The following KBTBD11 variants were observed in gnomAD, a reference collection of about 807,000 sequenced individuals.
KBTBD11 encodes the protein kelch repeat and BTB domain-containing protein 11.
For synonymous variants in KBTBD11, 747 were observed against 499.0 expected, an observed-to-expected ratio of 1.50 and a Z score of -6.63; for missense variants, 1,390 against 1,001.8, an observed-to-expected ratio of 1.39 and a Z score of -5.23.
chr8:2,002,794 G>T lies in KBTBD11; in HGVS notation c.1602G>T (p.Trp534Cys). The T allele has an allele frequency of 1.4e-6, 2 of 1,455,668 alleles. No homozygotes were observed. The highest frequency in any genetic ancestry group is 2.6e-5 in the Admixed American group (1 of 38,488). 90.2% of individuals were successfully genotyped at this position (1,455,668 alleles called of 1,614,324 possible). Residue 534 changes from tryptophan to cysteine, a missense_variant, in exon 2 of 2, where the codon TGG becomes TGT. Physicochemically the swap from Trp to Cys is radical, Grantham distance 215. Coordinates refer to ENST00000320248, the MANE Select transcript of KBTBD11 (RefSeq NM_014867.3). This position sits in a 1 kb window ranked among gnomAD's most constrained non-coding sequence, Gnocchi z 4.1. ...GATACCACTGCCTGGCCAAGCAGTGGAGCCCGTGCGTCGCGCCCCTGCGCC... is the reference window on the plus strand; with the variant it reads ...GATACCACTGCCTGGCCAAGCAGTGTAGCCCGTGCGTCGCGCCCCTGCGCC... ...VSRYHCLAKQWSPCVAPLRLP... is the reference protein window; with the variant it reads ...VSRYHCLAKQCSPCVAPLRLP...
At chr8:1,996,189 C>T (rs1022673077) in intron 1 of KBTBD11, among the ~76,000 whole-genome samples, 2 of 152,200 alleles carry the variant, frequency 1.3e-5, no homozygotes, top group African/African-American at 4.8e-5. Context: ...GTGGGCACGG[C>T]CCACCCAGGC....
Position 2,003,280 on chromosome 8 carries a change from G to A in KBTBD11, c.*216G>A, listed in dbSNP as rs927761572. 3.1e-6 allele frequency: 2 copies of A among 641,956 alleles called. No individual in the cohort carries two copies. Among genetic ancestry groups the A allele is most frequent in the Non-Finnish European group, 4.5e-6 (2 of 441,762 alleles). 39.8% of individuals were successfully genotyped at this position (641,956 alleles called of 1,614,324 possible). On this transcript the variant is annotated 3_prime_UTR_variant, in exon 2 of 2. Transcript: ENST00000320248. Reference sequence around the variant, plus strand: ...TGGGGGTGGATGCCTTGAGACCCAGGAGGTGTGCGGATGGGTCCCTTGACA... The same window carrying A: ...TGGGGGTGGATGCCTTGAGACCCAGAAGGTGTGCGGATGGGTCCCTTGACA...
At chr8:1,993,065 G>T (rs760666021) in intron 1 of KBTBD11, among the ~76,000 whole-genome samples, 2 of 151,914 alleles carry the variant, frequency 1.3e-5, no homozygotes, top group African/African-American at 4.8e-5. Flanking sequence ...CCAGCTTCCC[G>T]CGTAGCTAGG....
In KBTBD11 at chr8:1,995,333, T is replaced by C. The variant is rs182138723; in HGVS notation, c.-908-4952T>C. On this transcript the variant is annotated intron_variant, in intron 1 of 1. Coordinates refer to ENST00000320248, the MANE Select transcript of KBTBD11 (RefSeq NM_014867.3). The stretch of plus-strand genomic sequence containing the variant: ...CAGACACTAAGAGCAGAAGCCACTT[T>C]TCTCATTCCCCAGGACAGCACAGAA... Among the ~76,000 whole-genome samples, 261 of 152,280 alleles carry C rather than the reference T, an allele frequency of 1.7e-3. 1 individual carries two copies. Among genetic ancestry groups the C allele is most frequent in the African/African-American group, 5.9e-3 (245 of 41,552 alleles).
chr8:1,975,061 G>A (rs1283674146), intron 1 of KBTBD11: 3 of 152,256 alleles, frequency 2.0e-5, no homozygotes, highest in Non-Finnish European at 2.9e-5. Context: ...TTTATCCTGA[G>A]CTAATAGTGT....
intron 1 of KBTBD11, among the ~76,000 whole-genome samples, chr8:1,988,597 G>A (rs1201315104): frequency 6.6e-6 from 1 of 152,098 alleles, no homozygotes; most frequent in Non-Finnish European, 1.5e-5. Flanking sequence ...AAATTTGTTT[G>A]AGTTGTTTGT....
At chr8:1,985,851 A>C (rs971390501) in intron 1 of KBTBD11, among the ~76,000 whole-genome samples, 10 of 152,250 alleles carry the variant, frequency 6.6e-5, no homozygotes, top group African/African-American at 2.4e-4. Context: ...AATCATATTT[A>C]GTGAGACGTT....
At position 1,983,725 on chromosome 8, in the gene KBTBD11, G is replaced by A. The variant is rs1816616615; in HGVS notation, c.-909+9790G>A. Among the ~76,000 whole-genome samples the A allele has an allele frequency of 2.0e-5, 3 of 152,270 alleles. 1 individual carries two copies. The South Asian group carries it at 6.2e-4, about 31-fold the overall frequency. On this transcript the variant is annotated intron_variant, in intron 1 of 1. Coordinates refer to ENST00000320248, the MANE Select transcript of KBTBD11 (RefSeq NM_014867.3). Reference sequence around the variant, plus strand: ...CAAATAAGACCATGAATGTTGAAATGTATTTCACATGTGTTCAGCTTATCT... The same window carrying A: ...CAAATAAGACCATGAATGTTGAAATATATTTCACATGTGTTCAGCTTATCT...
intron 1 of KBTBD11, among the ~76,000 whole-genome samples, chr8:1,987,980 G>A (rs1413977380): frequency 6.6e-6 from 1 of 152,098 alleles, no homozygotes; most frequent in Non-Finnish European, 1.5e-5. Context: ...AGAACATGTG[G>A]TGTTTGGTTT....
rs1816198236 is a variant in KBTBD11 at position 1,973,690 on chromosome 8, GC to G, written c.-1150del. ...GCCCCCCTCCCCGCGCCCCGCGCGC[GC>G]CCCTCGCAGCCTGGAGCCGGAGCGC... is the stretch of plus-strand genomic sequence containing the variant. On this transcript the variant is annotated 5_prime_UTR_variant, in exon 1 of 2. Coordinates refer to ENST00000320248, the MANE Select transcript of KBTBD11 (RefSeq NM_014867.3). 1.0e-6 allele frequency: 1 copy of G among 983,380 alleles called. No individual in the cohort carries two copies. Among genetic ancestry groups the G allele is most frequent in the Non-Finnish European group, 1.2e-6 (1 of 829,078 alleles). 60.9% of individuals were successfully genotyped at this position (983,380 alleles called of 1,614,324 possible).
rs963430189 is a variant in KBTBD11, at chr8:2,004,030, A to G, written c.*966A>G. 1.2e-5 allele frequency: 2 copies of G among 166,856 alleles called. No homozygotes were observed. The highest frequency in any genetic ancestry group is 6.5e-5 in the Admixed American group (1 of 15,290). The allele number at this position is 166,856 out of a possible 1,614,324, so 10.3% of individuals were successfully genotyped here. On this transcript the variant is annotated 3_prime_UTR_variant, in exon 2 of 2. Coordinates refer to ENST00000320248, the MANE Select transcript of KBTBD11 (RefSeq NM_014867.3). ...AAAAAAAAGTGTAGGCACATTTTAA[A>G]CCCACTGTATATGATGTTTTCAATG...
In KBTBD11 at chr8:2,002,939, G is replaced by A; in HGVS notation, c.1747G>A (p.Gly583Ser). 1.7e-5 allele frequency: 23 copies of A among 1,322,074 alleles called. No homozygotes were observed. Among genetic ancestry groups the A allele is most frequent in the Non-Finnish European group, 2.1e-5 (22 of 1,038,610 alleles). 81.9% of individuals were successfully genotyped at this position (1,322,074 alleles called of 1,614,324 possible). A position where few individuals can be genotyped will look rare whatever the true frequency, so the allele number is the denominator to read the frequency against. ...FQPAREGEAG[G>S]DAGQGGGFEA... ...GCCTGCCCGGGAAGGCGAGGCCGGC[G>A]GCGACGCAGGCCAGGGCGGCGGCTT... The change falls in exon 2 of 2, where the codon GGC becomes AGC. Residue 583 changes from glycine (G) to serine (S), a missense_variant. Transcript: ENST00000320248. The surrounding 1 kb of genome is among the most constrained non-coding windows in gnomAD (Gnocchi z 4.1).
At chr8:1,983,544 C>T (rs1211757133) in intron 1 of KBTBD11, among the ~76,000 whole-genome samples, 1 of 152,204 alleles carries the variant, frequency 6.6e-6, no homozygotes, top group African/African-American at 2.4e-5. Flanking sequence ...TGCATCTTTT[C>T]TGCTTTTGGT....
In KBTBD11 at chr8:2,002,615, C is replaced by A. The variant is rs750664656; in HGVS notation, c.1423C>A (p.Pro475Thr). Reference protein sequence around the residue: ...SLFYRLLKYDPRRDEWQECPC... With the variant: ...SLFYRLLKYDTRRDEWQECPC... ...CTTCTATCGCCTGCTCAAGTATGAC[C>A]CGCGGCGCGACGAGTGGCAGGAGTG... Residue 475 changes from proline (P) to threonine (T), a missense_variant, in exon 2 of 2, where the codon CCG becomes ACG. By Grantham distance (38) the Pro-to-Thr change is conservative. Coordinates refer to ENST00000320248, the MANE Select transcript of KBTBD11 (RefSeq NM_014867.3). This position sits in a 1 kb window ranked among gnomAD's most constrained non-coding sequence, Gnocchi z 4.1. The A allele has an allele frequency of 2.0e-5, 31 of 1,584,068 alleles. No individual in the cohort carries two copies. The highest frequency in any genetic ancestry group is 2.6e-5 in the Non-Finnish European group (31 of 1,173,938).
chr8:2,002,379 G>A lies in KBTBD11; in HGVS notation c.1187G>A (p.Arg396Lys). ...NPATDSWSAVRPLRQARSQLR... is the reference protein window; with the variant it reads ...NPATDSWSAVKPLRQARSQLR... ...GCCACGGACAGCTGGAGCGCCGTGA[G>A]GCCCCTGCGCCAGGCGCGCTCGCAG... Residue 396 changes from arginine (R) to lysine (K), a missense_variant, in exon 2 of 2, where the codon AGG becomes AAG. Arg to Lys is a conservative substitution (Grantham distance 26). Transcript: ENST00000320248. This position sits in a 1 kb window ranked among gnomAD's most constrained non-coding sequence, Gnocchi z 4.1. 1 of 1,478,868 alleles carries A rather than the reference G, an allele frequency of 6.8e-7. No homozygotes were observed. The highest frequency in any genetic ancestry group is 2.3e-5 in the Admixed American group (1 of 44,094). 91.6% of individuals were successfully genotyped at this position (1,478,868 alleles called of 1,614,324 possible).
rs1475163537 is a variant in KBTBD11 at position 2,001,554 on chromosome 8, A to G, written c.362A>G (p.Glu121Gly). The change falls in exon 2 of 2, where the codon GAG becomes GGG. Residue 121 changes from glutamate (E) to glycine (G), a missense_variant. Coordinates refer to ENST00000320248, the MANE Select transcript of KBTBD11 (RefSeq NM_014867.3). Reference protein sequence around the residue: ...RVWLEDPASPEEPGEPAPVPP... With the variant: ...RVWLEDPASPGEPGEPAPVPP... ...TGGCTTGAGGACCCCGCGTCCCCCGAGGAGCCCGGGGAGCCCGCGCCCGTA... is the reference window on the plus strand; with the variant it reads ...TGGCTTGAGGACCCCGCGTCCCCCGGGGAGCCCGGGGAGCCCGCGCCCGTA... The G allele has an allele frequency of 3.6e-5, 52 of 1,437,700 alleles. No homozygotes were observed. Among genetic ancestry groups the G allele is most frequent in the Non-Finnish European group, 4.5e-5 (50 of 1,101,162 alleles). The allele number at this position is 1,437,700 out of a possible 1,614,324, so 89.1% of individuals were successfully genotyped here.
chr8:1,980,245 T>TTTTG (rs1816494938), intron 1 of KBTBD11, among the ~76,000 whole-genome samples: 1 of 148,924 alleles, frequency 6.7e-6, no homozygotes, highest in Non-Finnish European at 1.5e-5. Context: ...TTTTTTTTTT[T>TTTTG]GAGATGGGGT....
At position 2,000,878 on chromosome 8, in the gene KBTBD11, G is replaced by A; in HGVS notation, c.-315G>A. Reference sequence around the variant, plus strand: ...GTCATTGCTGGATGTTGGCTGACGCGGTCCTGGCGCCAGCTGGAGATCCAT... The same window carrying A: ...GTCATTGCTGGATGTTGGCTGACGCAGTCCTGGCGCCAGCTGGAGATCCAT... On this transcript the variant is annotated 5_prime_UTR_variant, in exon 2 of 2. Transcript: ENST00000320248. 3.2e-6 allele frequency: 1 copy of A among 317,008 alleles called. No individual in the cohort carries two copies. Among genetic ancestry groups the A allele is most frequent in the Non-Finnish European group, 5.7e-6 (1 of 174,336 alleles). The allele number at this position is 317,008 out of a possible 1,614,324, so 19.6% of individuals were successfully genotyped here.
In KBTBD11 at chr8:2,001,910, C is replaced by A; in HGVS notation, c.718C>A (p.Leu240Met). ...GAGCCTGGCCAACTGCTACGAGGTCCTGAGCGCGGCCAAGCGGCAGCGGCT... is the reference window on the plus strand; with the variant it reads ...GAGCCTGGCCAACTGCTACGAGGTCATGAGCGCGGCCAAGCGGCAGCGGCT... ...QLSLANCYEV[L>M]SAAKRQRLNE... Residue 240 changes from leucine to methionine, a missense_variant, in exon 2 of 2, where the codon CTG (leucine) becomes ATG (methionine). Transcript: ENST00000320248. 6.9e-7 allele frequency: 1 copy of A among 1,451,484 alleles called. No homozygotes were observed. Among genetic ancestry groups the A allele is most frequent in the Non-Finnish European group, 9.1e-7 (1 of 1,096,718 alleles). 89.9% of individuals were successfully genotyped at this position (1,451,484 alleles called of 1,614,324 possible).
Sources: gnomAD v4.1 joint callset for allele counts (sites outside exome capture counted in the v4.1 genomes callset) on GRCh38, gnomAD v4.1.1 for gene constraint, Gnocchi (gnomAD v3.1) non-coding constraint, MANE v1.5 for transcripts, NCBI Gene and HGNC (gene_info 2026-07-23, HGNC 2026-07-21) for gene names.